Variants in CHMP4B observed in about 807,000 individuals in gnomAD.
CHMP4B encodes charged multivesicular body protein 4B.
In CHMP4B, 1 loss-of-function variant was observed where a neutral mutation model predicts 25.1. The ratio of observed to expected loss-of-function variants is 0.04; its 90% CI spans 0.01 to 0.19. The LOEUF is 0.19. Ranked by LOEUF, CHMP4B falls within the 10% of genes least tolerant of loss-of-function variation. The pLI is 1.00. For missense variants in CHMP4B, 151 were observed against 289.7 expected, an observed-to-expected ratio of 0.52 and a Z score of 3.48; for synonymous variants, 101 against 115.6, an observed-to-expected ratio of 0.87 and a Z score of 0.81.
Position 33,811,420 on chromosome 20 carries a change from C to T in CHMP4B, c.-49C>T. The stretch of plus-strand genomic sequence containing the variant: ...GGAGCCGACCCGAGCCGAGCCGAGC[C>T]GAGCCGAGCCGGAGCGGGCGGCGAA... On this transcript the variant is annotated 5_prime_UTR_variant, in exon 1 of 5. Transcript: ENST00000217402. 1 of 1,434,266 alleles carries T rather than the reference C, an allele frequency of 7.0e-7. No homozygotes were observed. Among genetic ancestry groups the T allele is most frequent in the Admixed American group, 2.9e-5 (1 of 33,900 alleles). The allele number at this position is 1,434,266 out of a possible 1,614,324, so 88.8% of individuals were successfully genotyped here.
intron 1 of CHMP4B, 29 bp from the exon 2 acceptor site, chr20:33,848,438 T>C: frequency 6.2e-7 from 1 of 1,612,928 alleles, no homozygotes; most frequent in Non-Finnish European, 8.5e-7. Context: ...GCCGGGACTC[T>C]CTGAAACCCT....
chr20:33,818,141 G>A (rs1340301869), intron 1 of CHMP4B, among the ~76,000 whole-genome samples: 5 of 152,200 alleles, frequency 3.3e-5, no homozygotes, highest in Admixed American at 2.6e-4. Context: ...GCAAATAGGC[G>A]AGATGAAACT....
chr20:33,849,601 A>T (rs541346040), intron 2 of CHMP4B, among the ~76,000 whole-genome samples: 1 of 152,142 alleles, frequency 6.6e-6, no homozygotes, highest in South Asian at 2.1e-4. Context: ...CTATCTCAAT[A>T]AAAAAATAAA....
intron 1 of CHMP4B, among the ~76,000 whole-genome samples, chr20:33,824,901 C>T (rs1475877059): frequency 6.6e-6 from 1 of 152,176 alleles, no homozygotes; most frequent in Non-Finnish European, 1.5e-5. Flanking sequence ...CTTGTCAAGC[C>T]ACTGCAAATA....
intron 1 of CHMP4B, among the ~76,000 whole-genome samples, chr20:33,827,098 T>G (rs1979115330): frequency 6.6e-6 from 1 of 152,198 alleles, no homozygotes; most frequent in South Asian, 2.1e-4. Context: ...CCCCCTTTCC[T>G]GAGCTCCTGG....
At chr20:33,852,436 G>A (rs535802941) in intron 4 of CHMP4B, among the ~76,000 whole-genome samples, 2 of 150,558 alleles carry the variant, frequency 1.3e-5, no homozygotes, top group Admixed American at 1.3e-4. Context: ...TAATCTTGAC[G>A]CTGTGGACAT....
chr20:33,817,728 C>T (rs1978820906), intron 1 of CHMP4B, among the ~76,000 whole-genome samples: 2 of 152,122 alleles, frequency 1.3e-5, no homozygotes, highest in South Asian at 4.1e-4. Flanking sequence ...TTGGGTTGTG[C>T]CACTGTCTTT....
chr20:33,818,965 A>C (rs1367340153), intron 1 of CHMP4B, among the ~76,000 whole-genome samples: 1 of 151,758 alleles, frequency 6.6e-6, no homozygotes, highest in Non-Finnish European at 1.5e-5. Flanking sequence ...GCTGGAGTGC[A>C]GTGGCGCCAT....
At chr20:33,825,559 A>G (rs1273786440) in intron 1 of CHMP4B, among the ~76,000 whole-genome samples, 3 of 152,088 alleles carry the variant, frequency 2.0e-5, no homozygotes, top group African/African-American at 7.2e-5. Context: ...TGAGATGGAA[A>G]TCTCCACACT....
chr20:33,848,435 C>T (rs1568611642), intron 1 of CHMP4B, 32 bp from the exon 2 acceptor site: 4 of 1,612,192 alleles, frequency 2.5e-6, no homozygotes, highest in African/African-American at 2.7e-5. Flanking sequence ...TGTGCCGGGA[C>T]TCTCTGAAAC....
intron 1 of CHMP4B, among the ~76,000 whole-genome samples, chr20:33,820,330 T>C (rs1041087316): frequency 6.6e-6 from 1 of 152,240 alleles, no homozygotes; most frequent in Non-Finnish European, 1.5e-5. Context: ...TTTTACACTT[T>C]GGGGACTCTG....
chr20:33,832,444 G>T (rs1036351383), intron 1 of CHMP4B, among the ~76,000 whole-genome samples: 1 of 152,122 alleles, frequency 6.6e-6, no homozygotes, highest in Non-Finnish European at 1.5e-5. Context: ...ACACCAAAGC[G>T]CCAGTGCCAG....
chr20:33,820,468 G>A (rs149609216), intron 1 of CHMP4B, among the ~76,000 whole-genome samples: 48 of 152,320 alleles, frequency 3.2e-4, no homozygotes, highest in African/African-American at 1.1e-3. Context: ...TGATAGATAA[G>A]TATGTAGTAA....
intron 1 of CHMP4B, among the ~76,000 whole-genome samples, chr20:33,814,943 C>A (rs1043835727): frequency 6.6e-6 from 1 of 152,142 alleles, no homozygotes; most frequent in African/African-American, 2.4e-5. Flanking sequence ...TGTGCTCAGC[C>A]CTTGGCTGGC....
At position 33,853,641 on chromosome 20, in the gene CHMP4B, G is replaced by A; in HGVS notation, c.*81G>A. On this transcript the variant is annotated 3_prime_UTR_variant, in exon 5 of 5. Transcript: ENST00000217402. ...GGCGTGTGCGTGTGTGGGGCAGGCAGGATGTGGTGCAGGCAGGTTCCATCG... is the reference window on the plus strand; with the variant it reads ...GGCGTGTGCGTGTGTGGGGCAGGCAAGATGTGGTGCAGGCAGGTTCCATCG... The A allele has an allele frequency of 1.6e-6, 2 of 1,277,102 alleles. No homozygotes were observed. The highest frequency in any genetic ancestry group is 2.3e-6 in the Non-Finnish European group (2 of 874,760). The allele number at this position is 1,277,102 out of a possible 1,614,324, so 79.1% of individuals were successfully genotyped here. A position where few individuals can be genotyped will look rare whatever the true frequency, so the allele number is the denominator to read the frequency against.
chr20:33,826,953 G>C (rs1347614550), intron 1 of CHMP4B, among the ~76,000 whole-genome samples: 2 of 152,130 alleles, frequency 1.3e-5, no homozygotes, highest in Non-Finnish European at 2.9e-5. Flanking sequence ...TTTATCTTTG[G>C]TTTAAGAGAA....
chr20:33,850,849 G>T, intron 2 of CHMP4B, 103 bp from the exon 3 acceptor site: 1 of 791,858 alleles, frequency 1.3e-6, no homozygotes, highest in South Asian at 1.4e-5. Flanking sequence ...GTGTGGCTGG[G>T]AAGCTGATTT....
chr20:33,825,923 G>A (rs1022144583), intron 1 of CHMP4B, among the ~76,000 whole-genome samples: 1 of 152,166 alleles, frequency 6.6e-6, no homozygotes, highest in Non-Finnish European at 1.5e-5. Context: ...TGGCATCCTA[G>A]GGTGGAGCTG....
chr20:33,817,519 G>C (rs1978815253), intron 1 of CHMP4B, among the ~76,000 whole-genome samples: 1 of 152,218 alleles, frequency 6.6e-6, no homozygotes, highest in South Asian at 2.1e-4. Flanking sequence ...TTGGGTTTGA[G>C]TGTGGAGCGA....
Sources: gnomAD v4.1 joint callset for allele counts (sites outside exome capture counted in the v4.1 genomes callset) on GRCh38, gnomAD v4.1.1 for gene constraint, MANE v1.5 for transcripts, NCBI Gene and HGNC (gene_info 2026-07-23, HGNC 2026-07-21) for gene names.